The following PTPRT variants were observed in gnomAD, a reference collection of about 807,000 sequenced individuals.
PTPRT encodes the protein protein tyrosine phosphatase receptor type T, also known as receptor-type tyrosine-protein phosphatase T.
A neutral mutation model predicts 176.8 loss-of-function variants in PTPRT; 56 were observed. The observed-to-expected ratio is 0.32, with a 90% CI of 0.26 to 0.40. The LOEUF is 0.40. Ranked by LOEUF, PTPRT falls within the 10% of genes least tolerant of loss-of-function variation. The probability of loss-of-function intolerance (pLI) is 1.00; values close to 1 mark genes in which losing one functional copy is unlikely to be tolerated. For synonymous variants in PTPRT, 783 were observed against 739.0 expected (o/e 1.06, Z -0.96); for missense variants, 1,540 against 1,908.2 (o/e 0.81, Z 3.60).
At chr20:42,384,966 C>G (rs954290224) in intron 9 of PTPRT, among the ~76,000 whole-genome samples, 3 of 152,106 alleles carry the variant, frequency 2.0e-5, no homozygotes, top group Non-Finnish European at 2.9e-5. Flanking sequence ...TATATGAGTT[C>G]CTTATATAAT....
At chr20:42,174,525 C>T (rs2146557258) in intron 16 of PTPRT, among the ~76,000 whole-genome samples, 1 of 152,290 alleles carries the variant, frequency 6.6e-6, no homozygotes. Flanking sequence ...ATTCTCAAAC[C>T]ATCACTTAAA....
intron 7 of PTPRT, among the ~76,000 whole-genome samples, chr20:42,630,332 C>T (rs1354964930): frequency 6.6e-6 from 1 of 152,128 alleles, no homozygotes; most frequent in African/African-American, 2.4e-5. Flanking sequence ...CATCTGACTC[C>T]CAGAAGGCCA....
At chr20:42,166,482 C>T (rs1989830447) in intron 16 of PTPRT, among the ~76,000 whole-genome samples, 2 of 152,214 alleles carry the variant, frequency 1.3e-5, no homozygotes, top group South Asian at 4.1e-4. Context: ...TACACAATTA[C>T]ATCTTCAAAA....
chr20:42,061,853 G>A, the PTPRT span, among the ~76,000 whole-genome samples: 6 of 152,216 alleles, frequency 3.9e-5, no homozygotes, highest in South Asian at 2.1e-4. Context: ...GGTTGGGAAG[G>A]TGTTGCCACA....
Position 43,083,344 on chromosome 20 carries a change from A to ATATATATATATATACG in PTPRT, c.88+106301_88+106302insCGTATATATATATATA, listed in dbSNP as rs1568774066. Among the ~76,000 whole-genome samples, 3 of 121,232 alleles carry ATATATATATATATACG rather than the reference A, an allele frequency of 2.5e-5. 1 individual carries two copies. Among genetic ancestry groups the ATATATATATATATACG allele is most frequent in the African/African-American group, 6.0e-5 (2 of 33,170 alleles). 79.5% of individuals were successfully genotyped at this position (121,232 alleles called of 152,430 possible). On this transcript the variant is annotated intron_variant, in intron 1 of 30. Coordinates refer to ENST00000373187, the MANE Select transcript of PTPRT (RefSeq NM_007050.6). ...TGTATATATATATATATATATATAT[A>ATATATATATATATACG]TATATATATATATATATATATATAT...
chr20:42,253,318 T>C (rs1209645593), intron 13 of PTPRT, among the ~76,000 whole-genome samples: 3 of 152,164 alleles, frequency 2.0e-5, no homozygotes, highest in Admixed American at 2.0e-4. Context: ...TAGGTCCATA[T>C]AGAAGGCTAT....
chr20:42,785,454 G>T (rs1162534096), intron 3 of PTPRT, among the ~76,000 whole-genome samples: 1 of 152,198 alleles, frequency 6.6e-6, no homozygotes, highest in African/African-American at 2.4e-5. Context: ...AACCCATTTT[G>T]CTAGTGTCAT....
intron 6 of PTPRT, among the ~76,000 whole-genome samples, chr20:42,735,461 G>C (rs980639656): frequency 6.6e-6 from 1 of 151,812 alleles, no homozygotes; most frequent in African/African-American, 2.4e-5. Context: ...CCCTCACTAG[G>C]AGAAAGAACA....
intron 13 of PTPRT, among the ~76,000 whole-genome samples, chr20:42,249,570 C>A (rs1043049761): frequency 6.6e-6 from 1 of 152,100 alleles, no homozygotes; most frequent in Non-Finnish European, 1.5e-5. Context: ...CAAAGGTAGA[C>A]GAGATACTGA....
At chr20:42,694,764 A>T (rs529012673) in intron 6 of PTPRT, among the ~76,000 whole-genome samples, 81 of 148,870 alleles carry the variant, frequency 5.4e-4, no homozygotes, top group African/African-American at 1.7e-3. Context: ...ATACTACCTT[A>T]ATGGCTAATA....
At chr20:42,363,369 G>C (rs1305590937) in intron 9 of PTPRT, among the ~76,000 whole-genome samples, 3 of 133,346 alleles carry the variant, frequency 2.2e-5, no homozygotes, top group Non-Finnish European at 4.6e-5. Context: ...GGAGTGCAGT[G>C]GTGTGATCTT....
chr20:42,177,976 C>T (rs376446956), intron 16 of PTPRT, among the ~76,000 whole-genome samples: 5 of 151,324 alleles, frequency 3.3e-5, no homozygotes, highest in East Asian at 2.0e-4. Flanking sequence ...CTAGCTCTTT[C>T]GCCCAGGCTA....
intron 1 of PTPRT, among the ~76,000 whole-genome samples, chr20:43,085,637 G>A (rs2011583402): frequency 1.3e-5 from 2 of 152,168 alleles, no homozygotes; most frequent in Admixed American, 6.5e-5. Context: ...TAGAGCAGGT[G>A]CAGGGGAACT....
chr20:43,084,197 A>G (rs2011542304), intron 1 of PTPRT, among the ~76,000 whole-genome samples: 1 of 152,182 alleles, frequency 6.6e-6, no homozygotes, highest in African/African-American at 2.4e-5. Flanking sequence ...CTGTTTTTCC[A>G]AAGTGGCCAT....
intron 7 of PTPRT, among the ~76,000 whole-genome samples, chr20:42,610,994 T>C (rs1361829496): frequency 6.6e-6 from 1 of 152,250 alleles, no homozygotes; most frequent in Non-Finnish European, 1.5e-5. Context: ...TTGCAGCATG[T>C]ATGCCTTCAT....
At chr20:42,930,360 T>G (rs1979757591) in intron 1 of PTPRT, among the ~76,000 whole-genome samples, 1 of 152,216 alleles carries the variant, frequency 6.6e-6, no homozygotes, top group South Asian at 2.1e-4. Context: ...CTCCATATCA[T>G]TCATTCAACA....
chr20:42,037,807 T>C, the PTPRT span, among the ~76,000 whole-genome samples: 1 of 152,222 alleles, frequency 6.6e-6, no homozygotes, highest in Non-Finnish European at 1.5e-5. Flanking sequence ...TTCCCTGCTA[T>C]CTGGAGCTGC....
chr20:42,705,790 C>A (rs553699680), intron 6 of PTPRT, among the ~76,000 whole-genome samples: 1 of 152,206 alleles, frequency 6.6e-6, no homozygotes, highest in South Asian at 2.1e-4. Flanking sequence ...GATGCTTAGA[C>A]ACATGGGGGA....
At chr20:42,913,888 C>T (rs901639914) in intron 1 of PTPRT, among the ~76,000 whole-genome samples, 1 of 152,106 alleles carries the variant, frequency 6.6e-6, no homozygotes, top group East Asian at 1.9e-4. Flanking sequence ...TTTTCAAAAG[C>T]CTTTTTGAGA....
Sources: gnomAD v4.1 joint callset for allele counts (sites outside exome capture counted in the v4.1 genomes callset) on GRCh38, gnomAD v4.1.1 for gene constraint, MANE v1.5 for transcripts, NCBI Gene and HGNC (gene_info 2026-07-23, HGNC 2026-07-21) for gene names.